The following CYP4F2 variants were observed in gnomAD, a reference collection of about 807,000 sequenced individuals.
The protein encoded by CYP4F2 is cytochrome P450 4F2.
CYP4F2 carries 58 observed loss-of-function variants against 58.9 expected under a neutral mutation model. The observed-to-expected ratio is 0.98, with a 90% CI of 0.80 to 1.23. The LOEUF (loss-of-function observed/expected upper bound fraction) is 1.23, where lower values mean the gene tolerates loss of function less well. CYP4F2 is among the 50% of genes most tolerant of loss of function. The pLI, the probability that CYP4F2 is intolerant of heterozygous loss-of-function variation, is 0.00. For synonymous variants in CYP4F2, 287 were observed against 261.1 expected, an observed-to-expected ratio of 1.10 and a Z score of -0.95; for missense variants, 616 against 685.6, an observed-to-expected ratio of 0.90 and a Z score of 1.13.
At chr19:15,880,593 A>G (rs2089338636) in intron 9 of CYP4F2, among the ~76,000 whole-genome samples, 1 of 151,838 alleles carries the variant, frequency 6.6e-6, no homozygotes, top group African/African-American at 2.4e-5. Context: ...ACACCACTGC[A>G]CTCCAACCTG....
intron 2 of CYP4F2, among the ~76,000 whole-genome samples, chr19:15,896,990 G>T (rs539166525): frequency 1.3e-5 from 2 of 152,174 alleles, no homozygotes; most frequent in South Asian, 2.1e-4. Flanking sequence ...AGTGGGAGAC[G>T]GCCCATGCCT....
chr19:15,887,601 G>T lies in CYP4F2; in HGVS notation c.919-1293C>A, dbSNP rs555622790. 3.3e-5 allele frequency among the ~76,000 whole-genome samples: 5 copies of T among 151,140 alleles called. No homozygotes were observed. The East Asian group carries it at 9.8e-4, about 30-fold the overall frequency. On this transcript the variant is annotated intron_variant, in intron 7 of 12. Transcript: ENST00000221700. The stretch of plus-strand genomic sequence containing the variant: ...AAACCTAGACATAGACACAGATATA[G>T]ACACAGACACACACACACATAGACT...
intron 2 of CYP4F2, 65 bp from the exon 3 acceptor site, chr19:15,895,715 C>A (rs1185471791): frequency 1.3e-6 from 2 of 1,540,194 alleles, no homozygotes; most frequent in Non-Finnish European, 8.7e-7. Context: ...CTTGACTGGG[C>A]TAAGGGATGC....
chr19:15,891,004 G>A (rs2089413165), intron 5 of CYP4F2, among the ~76,000 whole-genome samples: 1 of 152,188 alleles, frequency 6.6e-6, no homozygotes, highest in African/African-American at 2.4e-5. Context: ...TTCCCCGTCT[G>A]CATTGTTATA....
At chr19:15,885,262 CT>C (rs910060127) in intron 9 of CYP4F2, among the ~76,000 whole-genome samples, 9 of 152,160 alleles carry the variant, frequency 5.9e-5, no homozygotes, top group African/African-American at 2.2e-4. Flanking sequence ...TCTATACCCC[CT>C]AGTCCTGCTT....
intron 3 of CYP4F2, 111 bp from the exon 4 acceptor site, chr19:15,892,693 C>T: frequency 4.7e-6 from 7 of 1,499,926 alleles, no homozygotes; most frequent in Non-Finnish European, 6.3e-6. Flanking sequence ...CTGAGCCCCA[C>T]ATAGCAGGAA....
intron 3 of CYP4F2, 21 bp from the exon 4 acceptor site, chr19:15,892,603 C>A (rs1304421583): frequency 1.9e-6 from 3 of 1,610,958 alleles, no homozygotes; most frequent in African/African-American, 2.7e-5. Flanking sequence ...TGAGGACAAT[C>A]AGGGGCCATG....
At chr19:15,891,282 C>T (rs895755922) in intron 5 of CYP4F2, among the ~76,000 whole-genome samples, 1 of 152,138 alleles carries the variant, frequency 6.6e-6, no homozygotes, top group Non-Finnish European at 1.5e-5. Context: ...CTTATAGAAG[C>T]CCACCTGTGT....
At chr19:15,891,895 T>C (rs1452773687) in intron 5 of CYP4F2, among the ~76,000 whole-genome samples, 2 of 152,166 alleles carry the variant, frequency 1.3e-5, no homozygotes, top group African/African-American at 4.8e-5. Flanking sequence ...TCATGTACCA[T>C]GAGTGGTCCC....
chr19:15,884,079 GAAGA>G (rs1419752186), intron 9 of CYP4F2, among the ~76,000 whole-genome samples: 2 of 151,384 alleles, frequency 1.3e-5, no homozygotes, highest in Non-Finnish European at 2.9e-5. Context: ...AGAAAGGAAA[GAAGA>G]AAGAGAGAAA....
chr19:15,894,776 G>A (rs1045283464), intron 3 of CYP4F2, among the ~76,000 whole-genome samples: 1 of 152,156 alleles, frequency 6.6e-6, no homozygotes, highest in African/African-American at 2.4e-5. Context: ...CCCGTCCAAC[G>A]ATGGGAAGCA....
At chr19:15,891,258 G>A (rs1002174112) in intron 5 of CYP4F2, among the ~76,000 whole-genome samples, 3 of 152,124 alleles carry the variant, frequency 2.0e-5, no homozygotes, top group Admixed American at 2.0e-4. Flanking sequence ...TGCAATATAT[G>A]ATGTCAGCAG....
intron 6 of CYP4F2, among the ~76,000 whole-genome samples, chr19:15,889,925 G>C (rs1328801010): frequency 6.6e-6 from 1 of 152,104 alleles, no homozygotes; most frequent in Admixed American, 6.5e-5. Flanking sequence ...CCAGAGCATA[G>C]CTTGCACATT....
intron 9 of CYP4F2, among the ~76,000 whole-genome samples, chr19:15,883,669 CT>C (rs541897713): frequency 4.0e-4 from 61 of 152,340 alleles, no homozygotes; most frequent in African/African-American, 1.4e-3. Flanking sequence ...GAAAATAAAA[CT>C]GTTGAAGAGA....
At chr19:15,879,958 C>T (rs2089334005) in intron 9 of CYP4F2, 61 bp from the exon 10 acceptor site, 1 of 1,596,450 alleles carries the variant, frequency 6.3e-7, no homozygotes, top group Non-Finnish European at 8.5e-7. Flanking sequence ...TCTCCAGCTT[C>T]TCTCTGTTTG....
At chr19:15,893,316 G>A (rs924844905) in intron 3 of CYP4F2, among the ~76,000 whole-genome samples, 1 of 149,948 alleles carries the variant, frequency 6.7e-6, no homozygotes, top group African/African-American at 2.5e-5. Flanking sequence ...CTCACACAAC[G>A]CCCAGATGTT....
At chr19:15,889,144 CATAG>C (rs2089400319) in intron 7 of CYP4F2, among the ~76,000 whole-genome samples, 1 of 152,142 alleles carries the variant, frequency 6.6e-6, no homozygotes, top group African/African-American at 2.4e-5. Flanking sequence ...ATAGACCAGA[CATAG>C]ATATAGATGT....
intron 9 of CYP4F2, among the ~76,000 whole-genome samples, chr19:15,883,182 T>C (rs1322905459): frequency 6.6e-6 from 1 of 152,114 alleles, no homozygotes; most frequent in African/African-American, 2.4e-5. Context: ...AGAATCAACT[T>C]ACAGAATGGC....
chr19:15,879,699 G>T (rs187383914), intron 10 of CYP4F2, 31 bp from the exon 11 acceptor site: 1 of 1,614,058 alleles, frequency 6.2e-7, no homozygotes, highest in Admixed American at 1.7e-5. Flanking sequence ...GTCAGGAGAA[G>T]GCCTCCTTCA....
Sources: allele counts gnomAD v4.1 joint callset (sites outside exome capture counted in the v4.1 genomes callset), GRCh38; gene constraint gnomAD v4.1.1; transcripts MANE v1.5; gene names NCBI Gene and HGNC (gene_info 2026-07-23, HGNC 2026-07-21).